Variants in PDZD8 observed in about 807,000 individuals in gnomAD.
The protein encoded by PDZD8 is PDZ domain containing 8, also known as PDZ domain-containing protein 8.
PDZD8 carries 14 observed loss-of-function variants against 85.8 expected under a neutral mutation model. That is an observed-to-expected ratio of 0.16 (90% CI 0.11 to 0.26). PDZD8 has a LOEUF of 0.26. Among genes scored for constraint, PDZD8 ranks in the 10% least tolerant of loss-of-function variants. PDZD8 has a pLI of 1.00. For missense variants in PDZD8, 1,197 were observed against 1,424.3 expected (o/e 0.84, Z 2.57); for synonymous variants, 592 against 568.6 (o/e 1.04, Z -0.59).
chr10:117,363,954 C>T (rs1304795138), intron 1 of PDZD8, among the ~76,000 whole-genome samples: 1 of 152,120 alleles, frequency 6.6e-6, no homozygotes, highest in East Asian at 1.9e-4. Context: ...TATTCTATAT[C>T]AATCCAAGAA....
rs1843997893 is a variant in PDZD8, at chr10:117,309,408, A to C, written c.1098+9464T>G. On this transcript the variant is annotated intron_variant, in intron 3 of 4. Coordinates refer to ENST00000334464, the MANE Select transcript of PDZD8 (RefSeq NM_173791.5). ...GCAGTAAAAATTAAAAAAAAAAAAA[A>C]CATAGTAGATCAAAGCACCACATGA... 4.6e-5 allele frequency among the ~76,000 whole-genome samples: 7 copies of C among 151,620 alleles called. No individual in the cohort carries two copies. The South Asian group carries it at 1.2e-3, about 27-fold the overall frequency.
At chr10:117,319,293 CTGT>C (rs1482297099) in intron 2 of PDZD8, among the ~76,000 whole-genome samples, 1 of 151,850 alleles carries the variant, frequency 6.6e-6, no homozygotes, top group Non-Finnish European at 1.5e-5. Flanking sequence ...TCAAAACAGA[CTGT>C]TGAATTTAAA....
Position 117,340,260 on chromosome 10 carries a change from C to T in PDZD8, c.995+720G>A, listed in dbSNP as rs374122843. Among the ~76,000 whole-genome samples the T allele has an allele frequency of 1.7e-4, 26 of 152,218 alleles. No individual in the cohort carries two copies. In the East Asian group the frequency reaches 2.3e-3, roughly 14 times the overall value. On this transcript the variant is annotated intron_variant, in intron 2 of 4. Transcript: ENST00000334464. ...TTGATAGGTGACAAAGATTCTTTGC[C>T]AGGCCAAACTTTACTGAGGTTTCTG...
chr10:117,315,610 A>AAAC (rs1844115395), intron 3 of PDZD8, among the ~76,000 whole-genome samples: 1 of 139,716 alleles, frequency 7.2e-6, no homozygotes, highest in Non-Finnish European at 1.6e-5. Flanking sequence ...AAAAAAAAAA[A>AAAC]AACAATAATC....
Position 117,325,205 on chromosome 10 carries a change from G to C in PDZD8, c.996-6231C>G, listed in dbSNP as rs556549077. Among the ~76,000 whole-genome samples, 279 of 151,944 alleles carry C rather than the reference G, an allele frequency of 1.8e-3. 1 individual carries two copies. Among genetic ancestry groups the C allele is most frequent in the African/African-American group, 6.6e-3 (275 of 41,444 alleles). On this transcript the variant is annotated intron_variant, in intron 2 of 4. Transcript: ENST00000334464. Reference sequence around the variant, plus strand: ...GCCCAGCCGGTGGTCTTATAGCGGGGTGAAAAATGTCACTTCCTGACAGGC... The same window carrying C: ...GCCCAGCCGGTGGTCTTATAGCGGGCTGAAAAATGTCACTTCCTGACAGGC...
At chr10:117,288,259 A>C (rs1324204636) in intron 4 of PDZD8, among the ~76,000 whole-genome samples, 1 of 152,202 alleles carries the variant, frequency 6.6e-6, no homozygotes, top group Non-Finnish European at 1.5e-5. Context: ...AATGTTTTGA[A>C]AAATATCTGT....
chr10:117,353,690 G>A (rs1222292047), intron 1 of PDZD8, among the ~76,000 whole-genome samples: 5 of 148,790 alleles, frequency 3.4e-5, no homozygotes, highest in Non-Finnish European at 7.4e-5. Context: ...GGGGAGGGGT[G>A]TGTGGCAAGA....
chr10:117,324,208 C>CAA lies in PDZD8; in HGVS notation c.996-5236_996-5235dup, dbSNP rs60898350. On this transcript the variant is annotated intron_variant, in intron 2 of 4. Transcript: ENST00000334464. ...GTCCAGCGTGAGCAAGACTCCATCT[C>CAA]AAAAAAAAAAAAAAAAAAAAAAAAA... Among the ~76,000 whole-genome samples, 106 of 29,228 alleles carry CAA rather than the reference C, an allele frequency of 3.6e-3. 11 individuals are homozygous for CAA. The highest frequency in any genetic ancestry group is 8.7e-3 in the African/African-American group (63 of 7,270). 19.2% of individuals were successfully genotyped at this position (29,228 alleles called of 152,430 possible).
intron 2 of PDZD8, among the ~76,000 whole-genome samples, chr10:117,319,334 T>C (rs1418923348): frequency 6.6e-6 from 1 of 151,676 alleles, no homozygotes; most frequent in East Asian, 1.9e-4. Context: ...ATAATGCTAG[T>C]ATACCATCAA....
chr10:117,348,872 C>T (rs1844752733), intron 1 of PDZD8, among the ~76,000 whole-genome samples: 1 of 152,162 alleles, frequency 6.6e-6, no homozygotes, highest in African/African-American at 2.4e-5. Flanking sequence ...GATTACCACC[C>T]TGTTTTCTGC....
intron 2 of PDZD8, among the ~76,000 whole-genome samples, chr10:117,339,457 T>C (rs1029302535): frequency 4.6e-5 from 7 of 152,190 alleles, no homozygotes; most frequent in African/African-American, 1.4e-4. Flanking sequence ...GTCAACACAA[T>C]GGGCTTGGTG....
rs2133755282 is a variant in PDZD8, at chr10:117,282,558, T to A, written c.*710A>T. ...TGTCTTTCAATGTAAGCTCTTCAAA[T>A]TAATCACCATATTTTTACCATACAG... On this transcript the variant is annotated 3_prime_UTR_variant, in exon 5 of 5. Transcript: ENST00000334464. 6.6e-6 allele frequency: 1 copy of A among 152,254 alleles called. No individual in the cohort carries two copies. The highest frequency in any genetic ancestry group is 2.1e-4 in the South Asian group (1 of 4,826). 9.4% of individuals were successfully genotyped at this position (152,254 alleles called of 1,614,324 possible).
chr10:117,375,097 C>A lies in PDZD8; in HGVS notation c.131G>T (p.Gly44Val), dbSNP rs897125818. 4 of 1,596,942 alleles carry A rather than the reference C, an allele frequency of 2.5e-6. No homozygotes were observed. The highest frequency in any genetic ancestry group is 3.4e-6 in the Non-Finnish European group (4 of 1,176,392). ...PADEAARAGE[G>V]FRYIKPVPGL... is the part of the protein sequence containing the mutation. ...CGGCACTGGCTTGATGTAGCGGAAGCCCTCGCCCGCGCGGGCGGCCTCGTC... is the reference window on the plus strand; with the variant it reads ...CGGCACTGGCTTGATGTAGCGGAAGACCTCGCCCGCGCGGGCGGCCTCGTC... The change falls in exon 1 of 5, where the codon GGC becomes GTC. Residue 44 changes from glycine (G) to valine (V), a missense_variant. Gly to Val is a moderately radical substitution (Grantham distance 109). This residue lies in a region of PDZD8 where 172 missense variants were observed against 137.8 expected (regional missense o/e 1.25). Coordinates refer to ENST00000334464, the MANE Select transcript of PDZD8 (RefSeq NM_173791.5).
chr10:117,366,638 T>A (rs1327064881), intron 1 of PDZD8, among the ~76,000 whole-genome samples: 1 of 150,698 alleles, frequency 6.6e-6, no homozygotes, highest in Non-Finnish European at 1.5e-5. Context: ...CAACGTCAAA[T>A]ATAAAGTTTA....
chr10:117,342,032 G>A (rs181845409), intron 1 of PDZD8, among the ~76,000 whole-genome samples: 5 of 152,244 alleles, frequency 3.3e-5, no homozygotes, highest in Admixed American at 2.0e-4. Context: ...GCTTAGGAAG[G>A]TTAACAAGTT....
chr10:117,318,123 G>C (rs191296893), intron 3 of PDZD8, among the ~76,000 whole-genome samples: 42 of 152,278 alleles, frequency 2.8e-4, no homozygotes, highest in Middle Eastern at 3.4e-3. Context: ...CTGTTATCCT[G>C]TAGTACTGGG....
intron 2 of PDZD8, among the ~76,000 whole-genome samples, chr10:117,333,193 G>T (rs1844460484): frequency 6.7e-6 from 1 of 148,870 alleles, no homozygotes; most frequent in African/African-American, 2.5e-5. Flanking sequence ...GAACTCTGGA[G>T]TTAGACAAAA....
chr10:117,292,793 T>A (rs1451915277), intron 3 of PDZD8, among the ~76,000 whole-genome samples: 1 of 151,604 alleles, frequency 6.6e-6, no homozygotes, highest in Non-Finnish European at 1.5e-5. Flanking sequence ...AAGATAAGGT[T>A]TTCAGTAGCA....
intron 1 of PDZD8, among the ~76,000 whole-genome samples, chr10:117,342,818 T>C (rs1250461763): frequency 6.6e-6 from 1 of 152,188 alleles, no homozygotes; most frequent in East Asian, 1.9e-4. Flanking sequence ...TCATATATTC[T>C]CTTAATATAA....
Sources: allele counts gnomAD v4.1 joint callset (sites outside exome capture counted in the v4.1 genomes callset), GRCh38; gene constraint gnomAD v4.1.1; regional missense constraint gnomAD v4.1.1; transcripts MANE v1.5; gene names NCBI Gene and HGNC (gene_info 2026-07-23, HGNC 2026-07-21).